Variants in TDRD9 observed in about 807,000 individuals in gnomAD.
TDRD9 encodes ATP-dependent RNA helicase TDRD9.
TDRD9 carries 124 observed loss-of-function variants against 172.6 expected under a neutral mutation model. The observed-to-expected ratio is 0.72, with a 90% CI of 0.62 to 0.83. The LOEUF (loss-of-function observed/expected upper bound fraction) is 0.83. Ranked by LOEUF, TDRD9 falls within the 40% of genes least tolerant of loss-of-function variation. The pLI is 0.00. For missense variants in TDRD9, 1,479 were observed against 1,714.1 expected (o/e 0.86, Z 2.42); for synonymous variants, 619 against 617.1 (o/e 1.00, Z -0.05).
chr14:103,943,803 A>T (rs999094131), intron 1 of TDRD9, among the ~76,000 whole-genome samples: 1 of 152,184 alleles, frequency 6.6e-6, no homozygotes, highest in Non-Finnish European at 1.5e-5. Context: ...GTGAGCCATG[A>T]AGAGTAGACG....
chr14:104,006,356 G>A, intron 15 of TDRD9, 33 bp from the exon 16 acceptor site: 1 of 1,596,176 alleles, frequency 6.3e-7, no homozygotes, highest in Non-Finnish European at 8.6e-7. Context: ...GTAAGTCAGT[G>A]CTTGATAATA....
intron 1 of TDRD9, chr14:103,941,291 T>C (rs759841884): frequency 2.4e-4 from 234 of 985,340 alleles, no homozygotes; most frequent in Non-Finnish European, 3.1e-4. Flanking sequence ...ACCAGACATC[T>C]ACACAGTTAA....
At chr14:103,963,404 C>T (rs904709716) in intron 3 of TDRD9, among the ~76,000 whole-genome samples, 3 of 152,192 alleles carry the variant, frequency 2.0e-5, no homozygotes, top group Non-Finnish European at 4.4e-5. Flanking sequence ...TTTCTTTAGT[C>T]TTCGCCTGAG....
At chr14:103,974,372 G>A (rs2033153149) in intron 6 of TDRD9, among the ~76,000 whole-genome samples, 2 of 152,154 alleles carry the variant, frequency 1.3e-5, no homozygotes, top group Non-Finnish European at 2.9e-5. Flanking sequence ...CTCCTGGCAC[G>A]TCTCGGGCTG....
rs1273851709 is a variant in TDRD9 at position 103,949,947 on chromosome 14, A to G, written c.216-5717A>G. Among the ~76,000 whole-genome samples, 8 of 151,514 alleles carry G rather than the reference A, an allele frequency of 5.3e-5. No homozygotes were observed. In the East Asian group the frequency reaches 1.5e-3, roughly 29 times the overall value. The stretch of plus-strand genomic sequence containing the variant: ...CGCCTCGTCCTCCCAAAGTGCTGGG[A>G]TTACAGGCATGAGCCACCATGCCCG... On this transcript the variant is annotated intron_variant, in intron 1 of 35. Coordinates refer to ENST00000409874, the MANE Select transcript of TDRD9 (RefSeq NM_153046.3).
At chr14:104,039,682 C>G (rs1350142304) in intron 32 of TDRD9, among the ~76,000 whole-genome samples, 1 of 152,104 alleles carries the variant, frequency 6.6e-6, no homozygotes, top group Non-Finnish European at 1.5e-5. Flanking sequence ...GGTGACAGGA[C>G]GTGCCAGTGG....
chr14:103,962,034 C>A (rs575958260), intron 2 of TDRD9, among the ~76,000 whole-genome samples: 5 of 152,182 alleles, frequency 3.3e-5, no homozygotes, highest in Admixed American at 1.3e-4. Flanking sequence ...GTTTGTCTTC[C>A]GTGAGTTTTG....
intron 33 of TDRD9, 85 bp downstream of exon 33, chr14:104,040,419 G>C (rs1566803189): frequency 1.5e-5 from 20 of 1,340,470 alleles, no homozygotes; most frequent in Non-Finnish European, 1.8e-5. Flanking sequence ...GTCTGCTGTG[G>C]AGCTCGCGGT....
Position 103,928,460 on chromosome 14 carries a change from C to T in TDRD9, c.-50C>T. The T allele has an allele frequency of 7.1e-7, 1 of 1,418,124 alleles. No individual in the cohort carries two copies. The highest frequency in any genetic ancestry group is 9.3e-7 in the Non-Finnish European group (1 of 1,076,128). 87.8% of individuals were successfully genotyped at this position (1,418,124 alleles called of 1,614,324 possible). A position where few individuals can be genotyped will look rare whatever the true frequency, so the allele number is the denominator to read the frequency against. ...GGTGCGCTTCCGCCGTCGCCTGTTC[C>T]CGCCGCGGAGACCCGGCAGTTGGGG... On this transcript the variant is annotated 5_prime_UTR_variant, in exon 1 of 36. Coordinates refer to ENST00000409874, the MANE Select transcript of TDRD9 (RefSeq NM_153046.3).
intron 9 of TDRD9, 129 bp from the exon 10 acceptor site, chr14:103,994,203 A>G: frequency 1.3e-6 from 1 of 767,880 alleles, no homozygotes; most frequent in Non-Finnish European, 2.2e-6. Context: ...TATTTAGGCA[A>G]AGAGGATAAA....
chr14:103,946,537 A>AATTTCTAG (rs1318243492), intron 1 of TDRD9, among the ~76,000 whole-genome samples: 1 of 152,206 alleles, frequency 6.6e-6, no homozygotes, highest in African/African-American at 2.4e-5. Context: ...TTAGTACTAG[A>AATTTCTAG]ATTTCTAGCC....
rs746748168 is a variant in TDRD9 at position 103,970,558 on chromosome 14, A to G, written c.783A>G (p.Glu261=). 8.4e-6 allele frequency: 13 copies of G among 1,551,590 alleles called. No individual in the cohort carries two copies. The highest frequency in any genetic ancestry group is 1.0e-5 in the Non-Finnish European group (12 of 1,146,944). ...IIIDEVHERT[E]EMDFLLLVVR... ...TTTTGTAGGTACACGAACGAACAGA[A>G]GAAATGGATTTCCTGCTATTGGTAG... The change falls in exon 6 of 36, where the codon GAA becomes GAG. Residue 261 remains glutamate (E), a synonymous_variant. Coordinates refer to ENST00000409874, the MANE Select transcript of TDRD9 (RefSeq NM_153046.3).
intron 27 of TDRD9, 131 bp from the exon 28 acceptor site, chr14:104,026,548 A>G (rs2035124165): frequency 1.9e-6 from 2 of 1,064,930 alleles, no homozygotes; most frequent in African/African-American, 1.6e-5. Context: ...CTACCCCAAC[A>G]TTAGTTTTAT....
At chr14:104,016,114 C>T (rs754420686) in intron 22 of TDRD9, 26 bp downstream of exon 22, 29 of 1,508,216 alleles carry the variant, frequency 1.9e-5, no homozygotes, top group African/African-American at 2.8e-5. Context: ...AGGCCGTCCT[C>T]TCTGGGGTGT....
At chr14:104,010,471 T>C (rs890470543) in intron 20 of TDRD9, among the ~76,000 whole-genome samples, 9 of 152,242 alleles carry the variant, frequency 5.9e-5, no homozygotes, top group African/African-American at 2.2e-4. Flanking sequence ...CAGTAACACA[T>C]GGAGCTATCA....
intron 1 of TDRD9, among the ~76,000 whole-genome samples, chr14:103,951,195 C>T (rs1406234463): frequency 6.6e-6 from 1 of 152,166 alleles, no homozygotes; most frequent in Non-Finnish European, 1.5e-5. Context: ...TTATATGCCT[C>T]ACTGGTTGTT....
intron 2 of TDRD9, among the ~76,000 whole-genome samples, chr14:103,959,576 G>T (rs1183848360): frequency 6.6e-6 from 1 of 151,738 alleles, no homozygotes; most frequent in African/African-American, 2.4e-5. Flanking sequence ...TCTAATTCCA[G>T]TCCAGTGCCA....
intron 1 of TDRD9, chr14:103,941,507 C>T (rs1310828918): frequency 6.5e-7 from 1 of 1,535,156 alleles, no homozygotes; most frequent in Middle Eastern, 1.7e-4. Flanking sequence ...AGTTTCTGAG[C>T]CAGTTGTAAT....
intron 28 of TDRD9, among the ~76,000 whole-genome samples, chr14:104,028,469 G>T (rs10149233): frequency 5.9e-5 from 9 of 151,884 alleles, no homozygotes; most frequent in African/African-American, 2.2e-4. Context: ...TCATATATTT[G>T]TTGGTTATTT....
Sources: gnomAD v4.1 joint callset for allele counts (sites outside exome capture counted in the v4.1 genomes callset) on GRCh38, gnomAD v4.1.1 for gene constraint, MANE v1.5 for transcripts, NCBI Gene and HGNC (gene_info 2026-07-23, HGNC 2026-07-21) for gene names.